NLGN1: variants seen among roughly 807,000 people sequenced by gnomAD.
The protein encoded by NLGN1 is neuroligin-1.
In NLGN1, 12 loss-of-function variants were observed where a neutral mutation model predicts 65.5. The ratio of observed to expected loss-of-function variants is 0.18; its 90% confidence interval spans 0.12 to 0.30. The LOEUF (loss-of-function observed/expected upper bound fraction) is 0.30. Among genes scored for constraint, NLGN1 ranks in the 10% least tolerant of loss-of-function variants. The pLI is 1.00. For synonymous variants in NLGN1, 350 were observed against 359.5 expected, an observed-to-expected ratio of 0.97 and a Z score of 0.30; for missense variants, 750 against 1,007.1, an observed-to-expected ratio of 0.74 and a Z score of 3.46.
chr3:173,951,683 G>A (rs1049727589), intron 4 of NLGN1, among the ~76,000 whole-genome samples: 2 of 151,692 alleles, frequency 1.3e-5, no homozygotes, highest in Admixed American at 6.6e-5. Flanking sequence ...GGCTGGTCTC[G>A]AACTCCTGAC....
intron 4 of NLGN1, among the ~76,000 whole-genome samples, chr3:174,220,752 T>C (rs1738498736): frequency 1.3e-5 from 2 of 152,170 alleles, no homozygotes; most frequent in Non-Finnish European, 2.9e-5. Flanking sequence ...GTGCTTTCCC[T>C]GTACCTGAAT....
At chr3:174,214,559 T>C (rs772804510) in intron 4 of NLGN1, among the ~76,000 whole-genome samples, 32 of 152,352 alleles carry the variant, frequency 2.1e-4, no homozygotes, top group South Asian at 1.2e-3. Context: ...CTTTTTTTGG[T>C]TATCCATGAT....
intron 4 of NLGN1, among the ~76,000 whole-genome samples, chr3:173,867,775 G>A (rs1269963552): frequency 6.6e-6 from 1 of 151,950 alleles, no homozygotes; most frequent in East Asian, 1.9e-4. Context: ...ACCTGAAGAG[G>A]CAAAGTAAGA....
chr3:173,775,518 T>C (rs1780181584), intron 3 of NLGN1, among the ~76,000 whole-genome samples: 1 of 152,098 alleles, frequency 6.6e-6, no homozygotes, highest in Admixed American at 6.6e-5. Context: ...CTGCATGAGA[T>C]TCTTCAAATT....
downstream of NLGN1, chr3:174,286,726 C>T (rs1200865695): frequency 6.6e-6 from 1 of 151,532 alleles, no homozygotes; most frequent in Non-Finnish European, 1.5e-5. Flanking sequence ...TAAGTGTTTT[C>T]TTACAAAGTC....
chr3:174,264,549 C>T (rs1577677281), intron 4 of NLGN1, among the ~76,000 whole-genome samples: 1 of 149,858 alleles, frequency 6.7e-6, no homozygotes, highest in Non-Finnish European at 1.5e-5. Context: ...CCTTTAAGCA[C>T]TTCTCTGTAT....
chr3:173,646,680 T>C (rs943077326), intron 3 of NLGN1, among the ~76,000 whole-genome samples: 1 of 151,358 alleles, frequency 6.6e-6, no homozygotes, highest in Non-Finnish European at 1.5e-5. Flanking sequence ...GACTAAAATA[T>C]CAAAACAAAG....
At chr3:173,605,757 C>G (rs921376537) in intron 3 of NLGN1, among the ~76,000 whole-genome samples, 164 bp downstream of exon 3, 1 of 152,020 alleles carries the variant, frequency 6.6e-6, no homozygotes, top group East Asian at 1.9e-4. Flanking sequence ...AAGGAGAGCT[C>G]TAGCTGAGTA....
intron 3 of NLGN1, among the ~76,000 whole-genome samples, chr3:173,616,646 C>T (rs931078686): frequency 6.6e-6 from 1 of 152,114 alleles, no homozygotes; most frequent in African/African-American, 2.4e-5. Context: ...TTCAGGACAC[C>T]TGCAGACACC....
intron 4 of NLGN1, among the ~76,000 whole-genome samples, chr3:173,930,048 C>T (rs1743797994): frequency 6.6e-6 from 1 of 152,048 alleles, no homozygotes; most frequent in Non-Finnish European, 1.5e-5. Flanking sequence ...TTTCTGATGA[C>T]ACCTGATGGC....
At chr3:173,399,550 G>A (rs1717265281) in intron 1 of NLGN1, 1 of 152,180 alleles carries the variant, frequency 6.6e-6, no homozygotes, top group African/African-American at 2.4e-5. Flanking sequence ...ACTTAAAGAA[G>A]GTAGGCTGAG....
At chr3:173,703,038 T>A (rs757877896) in intron 3 of NLGN1, among the ~76,000 whole-genome samples, 2 of 152,074 alleles carry the variant, frequency 1.3e-5, no homozygotes, top group African/African-American at 2.4e-5. Context: ...GTGTGGTTTA[T>A]AAATCTAGAA....
At chr3:173,896,661 A>G (rs747679091) in intron 4 of NLGN1, among the ~76,000 whole-genome samples, 1 of 152,030 alleles carries the variant, frequency 6.6e-6, no homozygotes, top group Non-Finnish European at 1.5e-5. Context: ...TTACTTTTTC[A>G]TTCTCTTCTC....
At chr3:173,613,778 T>C (rs1752651064) in intron 3 of NLGN1, among the ~76,000 whole-genome samples, 1 of 152,082 alleles carries the variant, frequency 6.6e-6, no homozygotes, top group Non-Finnish European at 1.5e-5. Flanking sequence ...TAAGCATAGC[T>C]CATAATTTTC....
At chr3:174,290,903 G>C (rs959644668), downstream of NLGN1, among the ~76,000 whole-genome samples, 10 of 150,648 alleles carry the variant, frequency 6.6e-5, no homozygotes, top group African/African-American at 2.4e-4. Context: ...TTTTGAGAGA[G>C]AGAAATTAGA....
At chr3:173,868,895 A>G (rs565312570) in intron 4 of NLGN1, among the ~76,000 whole-genome samples, 1 of 152,242 alleles carries the variant, frequency 6.6e-6, no homozygotes, top group East Asian at 1.9e-4. Context: ...AGCAACAGAG[A>G]GAGAGACAGA....
At chr3:173,622,549 G>A (rs865980979) in intron 3 of NLGN1, among the ~76,000 whole-genome samples, 1 of 151,656 alleles carries the variant, frequency 6.6e-6, no homozygotes, top group African/African-American at 2.4e-5. Context: ...CTGACCTGCT[G>A]GAAGAAGAAG....
intron 4 of NLGN1, among the ~76,000 whole-genome samples, chr3:173,846,306 G>A (rs6790852): frequency 0.059 from 8,909 of 152,200 alleles, 538 homozygotes; most frequent in African/African-American, 0.15. Context: ...AGGCCTACAA[G>A]GTCTCAGTAG....
chr3:173,662,714 A>C (rs954233807), intron 3 of NLGN1, among the ~76,000 whole-genome samples: 1 of 151,992 alleles, frequency 6.6e-6, no homozygotes, highest in African/African-American at 2.4e-5. Flanking sequence ...AACTTAAGAC[A>C]TTTTGGCATT....
Sources: gnomAD v4.1 joint callset for allele counts (sites outside exome capture counted in the v4.1 genomes callset) on GRCh38, gnomAD v4.1.1 for gene constraint, MANE v1.5 for transcripts, NCBI Gene and HGNC (gene_info 2026-07-23, HGNC 2026-07-21) for gene names.